PHACTR1: variants seen among roughly 807,000 people sequenced by gnomAD.
The protein encoded by PHACTR1 is RPEL repeat containing 1.
In PHACTR1, 16 loss-of-function variants were observed where a neutral mutation model predicts 69.2. That is an observed-to-expected ratio of 0.23 (90% confidence interval 0.16 to 0.35). PHACTR1 has a LOEUF of 0.35. PHACTR1 is among the 10% of genes least tolerant of loss of function. The pLI is 1.00. For synonymous variants in PHACTR1, 312 were observed against 284.5 expected, an observed-to-expected ratio of 1.10 and a Z score of -0.97; for missense variants, 510 against 734.7, an observed-to-expected ratio of 0.69 and a Z score of 3.54.
At chr6:13,280,936 G>A (rs543821671) in intron 12 of PHACTR1, 11 of 1,287,602 alleles carry the variant, frequency 8.5e-6, no homozygotes, top group Non-Finnish European at 1.1e-5. Flanking sequence ...CATGCACACA[G>A]AGGAGCGTCC....
Position 13,287,388 on chromosome 6 carries a change from C to A in PHACTR1, c.*310C>A. On this transcript the variant is annotated 3_prime_UTR_variant, in exon 15 of 15. Coordinates refer to ENST00000332995, the MANE Select transcript of PHACTR1 (RefSeq NM_030948.6). Reference sequence around the variant, plus strand: ...CAGGTGGAACGGTCCTTGTCCTCTCCAGCCAGGCCCAGCAGGCACTACCTT... The same window carrying A: ...CAGGTGGAACGGTCCTTGTCCTCTCAAGCCAGGCCCAGCAGGCACTACCTT... The A allele has an allele frequency of 2.5e-6, 1 of 404,184 alleles. No individual in the cohort carries two copies. Among genetic ancestry groups the A allele is most frequent in the Non-Finnish European group, 4.5e-6 (1 of 224,576 alleles). The allele number at this position is 404,184 out of a possible 1,614,324, so 25.0% of individuals were successfully genotyped here.
At chr6:13,112,695 A>G (rs1411804656) in intron 5 of PHACTR1, among the ~76,000 whole-genome samples, 1 of 152,110 alleles carries the variant, frequency 6.6e-6, no homozygotes, top group Non-Finnish European at 1.5e-5. Flanking sequence ...GTGTCTTTTC[A>G]TGTCCTTTGT....
At chr6:13,091,106 G>A (rs1274447316) in intron 5 of PHACTR1, among the ~76,000 whole-genome samples, 1 of 152,036 alleles carries the variant, frequency 6.6e-6, no homozygotes, top group Non-Finnish European at 1.5e-5. Context: ...TGCCTCCTGG[G>A]TTCAAGCAGT....
intron 4 of PHACTR1, among the ~76,000 whole-genome samples, chr6:12,870,259 A>G (rs1185762563): frequency 1.3e-5 from 2 of 152,384 alleles, no homozygotes; most frequent in African/African-American, 2.4e-5. Flanking sequence ...GTGCTCTGTC[A>G]TTCAAAGACA....
intron 10 of PHACTR1, among the ~76,000 whole-genome samples, chr6:13,253,304 C>T (rs903053620): frequency 1.3e-5 from 2 of 152,134 alleles, no homozygotes; most frequent in Non-Finnish European, 2.9e-5. Flanking sequence ...ACGTTTCATC[C>T]CTTGCTTACC....
rs11755431 is a variant in PHACTR1 at position 13,234,543 on chromosome 6, G to A, written c.1391+4350G>A. 6.9e-3 allele frequency among the ~76,000 whole-genome samples: 1,046 copies of A among 152,156 alleles called. 15 individuals are homozygous for A. Among genetic ancestry groups the A allele is most frequent in the African/African-American group, 0.023 (944 of 41,508 alleles). The stretch of plus-strand genomic sequence containing the variant: ...ATAAGAAAAAAAAAAAGACCACGAT[G>A]TGTAGCATTCTAAGAATAATCCCAA... On this transcript the variant is annotated intron_variant, in intron 10 of 14. Coordinates refer to ENST00000332995, the MANE Select transcript of PHACTR1 (RefSeq NM_030948.6).
chr6:13,229,044 A>G (rs1215169928), intron 9 of PHACTR1, among the ~76,000 whole-genome samples: 3 of 152,234 alleles, frequency 2.0e-5, no homozygotes, highest in Non-Finnish European at 1.5e-5. Flanking sequence ...AGTGATGTCA[A>G]GGAAAGAACC....
At chr6:12,905,030 C>G (rs1198102968) in intron 4 of PHACTR1, among the ~76,000 whole-genome samples, 1 of 152,150 alleles carries the variant, frequency 6.6e-6, no homozygotes, top group African/African-American at 2.4e-5. Context: ...GAGGCTTCTA[C>G]CCACCAACTA....
At chr6:12,748,954 A>G (rs1766168417) in intron 3 of PHACTR1, among the ~76,000 whole-genome samples, 1 of 152,240 alleles carries the variant, frequency 6.6e-6, no homozygotes, top group South Asian at 2.1e-4. Context: ...AAGGGGGCAG[A>G]TAAGAAAACT....
chr6:12,978,122 G>A (rs767794334), intron 4 of PHACTR1, among the ~76,000 whole-genome samples: 74 of 152,070 alleles, frequency 4.9e-4, no homozygotes, highest in Admixed American at 9.8e-4. Flanking sequence ...AAATCCAACC[G>A]CATCCTGCCT....
chr6:13,126,487 T>C (rs1819544016), intron 5 of PHACTR1, among the ~76,000 whole-genome samples: 1 of 152,300 alleles, frequency 6.6e-6, no homozygotes, highest in Non-Finnish European at 1.5e-5. Context: ...GAGACCAAAC[T>C]CTTCCCACTG....
At chr6:13,031,329 T>C (rs775854705) in intron 4 of PHACTR1, among the ~76,000 whole-genome samples, 4 of 152,236 alleles carry the variant, frequency 2.6e-5, no homozygotes, top group Non-Finnish European at 5.9e-5. Context: ...TTAGCTGGAA[T>C]ACTTAGTTGG....
At chr6:12,926,953 C>T (rs964793041) in intron 4 of PHACTR1, among the ~76,000 whole-genome samples, 13 of 152,198 alleles carry the variant, frequency 8.5e-5, no homozygotes, top group African/African-American at 3.1e-4. Flanking sequence ...CTCATTTCTG[C>T]CAGCTCCTGC....
At chr6:13,077,761 G>A (rs1032951054) in intron 5 of PHACTR1, among the ~76,000 whole-genome samples, 3 of 152,112 alleles carry the variant, frequency 2.0e-5, no homozygotes, top group African/African-American at 7.2e-5. Flanking sequence ...CTAGGCAAGA[G>A]ACATTGGAGC....
chr6:13,120,724 C>A (rs1485958505), intron 5 of PHACTR1, among the ~76,000 whole-genome samples: 1 of 152,216 alleles, frequency 6.6e-6, no homozygotes, highest in Non-Finnish European at 1.5e-5. Context: ...CTCTTCCCTG[C>A]CCCCACTTGT....
intron 5 of PHACTR1, among the ~76,000 whole-genome samples, chr6:13,152,181 A>C (rs1445392539): frequency 2.6e-5 from 4 of 152,134 alleles, no homozygotes; most frequent in Non-Finnish European, 5.9e-5. Flanking sequence ...AAAAATACAA[A>C]AAATTAGCCA....
chr6:12,802,173 T>C (rs1448304163), intron 4 of PHACTR1, among the ~76,000 whole-genome samples: 3 of 150,622 alleles, frequency 2.0e-5, no homozygotes, highest in Non-Finnish European at 4.4e-5. Flanking sequence ...TTAAAGGGCA[T>C]ATAAATATAA....
chr6:12,865,062 G>C (rs1294051670), intron 4 of PHACTR1, among the ~76,000 whole-genome samples: 1 of 152,126 alleles, frequency 6.6e-6, no homozygotes, highest in African/African-American at 2.4e-5. Context: ...AAGAGACAGG[G>C]TGACCAACCC....
chr6:12,975,524 C>T (rs907644761), intron 4 of PHACTR1, among the ~76,000 whole-genome samples: 1 of 152,164 alleles, frequency 6.6e-6, no homozygotes, highest in Non-Finnish European at 1.5e-5. Flanking sequence ...AGCTCATTTT[C>T]AATTGCTTGG....
Sources: allele counts gnomAD v4.1 joint callset (sites outside exome capture counted in the v4.1 genomes callset), GRCh38; gene constraint gnomAD v4.1.1; transcripts MANE v1.5; gene names NCBI Gene and HGNC (gene_info 2026-07-23, HGNC 2026-07-21).